ZBTB7C: variants seen among roughly 807,000 people sequenced by gnomAD.
The protein encoded by ZBTB7C is zinc finger and BTB domain-containing protein 7C.
ZBTB7C carries 8 observed loss-of-function variants against 25.7 expected under a neutral mutation model. The observed-to-expected ratio is 0.31, with a 90% CI of 0.18 to 0.56. The LOEUF is 0.56. Ranked by LOEUF, ZBTB7C falls within the 20% of genes least tolerant of loss-of-function variation. The pLI is 0.91. For missense variants in ZBTB7C, 824 were observed against 855.2 expected (o/e 0.96, Z 0.46); for synonymous variants, 394 against 369.0 (o/e 1.07, Z -0.78).
intron 2 of ZBTB7C, among the ~76,000 whole-genome samples, chr18:48,334,501 C>G (rs1211975046): frequency 6.6e-6 from 1 of 152,188 alleles, no homozygotes; most frequent in Non-Finnish European, 1.5e-5. Context: ...AACTAAGAGT[C>G]TCAATAACAT....
intron 2 of ZBTB7C, among the ~76,000 whole-genome samples, chr18:48,274,224 C>T (rs1486809038): frequency 1.3e-5 from 2 of 152,204 alleles, no homozygotes; most frequent in Admixed American, 1.3e-4. Context: ...CTCAATACCC[C>T]AGTAGGTCTT....
intron 2 of ZBTB7C, among the ~76,000 whole-genome samples, chr18:48,328,181 CA>C (rs55654378): frequency 0.018 from 1,074 of 58,864 alleles, 4 homozygotes; most frequent in East Asian, 0.065. Flanking sequence ...GACTCTGTCT[CA>C]AAAAAAAAAA....
chr18:48,346,787 T>A (rs1258662083), intron 1 of ZBTB7C: 1 of 146,580 alleles, frequency 6.8e-6, no homozygotes, highest in Non-Finnish European at 1.5e-5. Context: ...CACCCTTTTC[T>A]TTTTCCTTTT....
At chr18:48,190,430 C>T (rs2042164950) in intron 2 of ZBTB7C, among the ~76,000 whole-genome samples, 1 of 152,122 alleles carries the variant, frequency 6.6e-6, no homozygotes, top group East Asian at 1.9e-4. Flanking sequence ...TGCCTGCCAA[C>T]TCCGTGCAGG....
intron 3 of ZBTB7C, among the ~76,000 whole-genome samples, chr18:48,055,406 G>A (rs1262284435): frequency 1.1e-5 from 1 of 94,144 alleles, no homozygotes; most frequent in Admixed American, 1.4e-4. Context: ...TAAGACTCAA[G>A]TCTCAAAAAA....
chr18:48,066,880 T>C (rs1291434989), intron 3 of ZBTB7C, among the ~76,000 whole-genome samples: 1 of 152,162 alleles, frequency 6.6e-6, no homozygotes, highest in Non-Finnish European at 1.5e-5. Context: ...GGCGGGCGGA[T>C]TGCCTGAGTT....
chr18:48,290,499 G>A (rs149065287), intron 2 of ZBTB7C, among the ~76,000 whole-genome samples: 3 of 152,342 alleles, frequency 2.0e-5, no homozygotes, highest in Admixed American at 1.3e-4. Context: ...TCTTTGATTC[G>A]CTTGCTGCAG....
rs767795752 is a variant in ZBTB7C, at chr18:48,041,141, G to A, written c.-16-18C>T. ...CCAGAGCCCTGCAGAGACACACAGA[G>A]AAGAAGACTGGGTTAGTGAGCGTGG... On this transcript the variant is annotated intron_variant, in intron 3 of 4. Transcript: ENST00000590800. 6.4e-7 allele frequency: 1 copy of A among 1,561,766 alleles called. No individual in the cohort carries two copies. The highest frequency in any genetic ancestry group is 2.3e-5 in the East Asian group (1 of 44,266).
chr18:48,155,769 C>A (rs560296211), intron 3 of ZBTB7C, among the ~76,000 whole-genome samples: 1 of 152,244 alleles, frequency 6.6e-6, no homozygotes, highest in Admixed American at 6.5e-5. Flanking sequence ...TTCTATATTT[C>A]ACTCCTCTGG....
chr18:48,329,723 G>A lies in ZBTB7C; in HGVS notation c.-79+8451C>T, dbSNP rs143815879. 9.3e-4 allele frequency among the ~76,000 whole-genome samples: 141 copies of A among 152,188 alleles called. 1 individual carries two copies. In the East Asian group the frequency reaches 0.022, roughly 24 times the overall value. On this transcript the variant is annotated intron_variant, in intron 2 of 4. Coordinates refer to ENST00000590800, the MANE Select transcript of ZBTB7C (RefSeq NM_001318841.2). ...TACCGACACTGTCCATTAAACTCTC[G>A]CCTTAGGGTCAGTAAGACAGGCAAT... is the stretch of plus-strand genomic sequence containing the variant.
chr18:48,030,261 G>T (rs1474484791), intron 4 of ZBTB7C, among the ~76,000 whole-genome samples: 1 of 152,152 alleles, frequency 6.6e-6, no homozygotes, highest in African/African-American at 2.4e-5. Flanking sequence ...CTTAGTCCTC[G>T]GATAGTGCAG....
chr18:48,388,546 T>C (rs756298481), intron 1 of ZBTB7C, among the ~76,000 whole-genome samples: 1 of 152,308 alleles, frequency 6.6e-6, no homozygotes, highest in African/African-American at 2.4e-5. Context: ...AATGGGAAAT[T>C]CATGAGAGAA....
chr18:48,164,892 T>C (rs2144979023), intron 3 of ZBTB7C, among the ~76,000 whole-genome samples: 1 of 152,296 alleles, frequency 6.6e-6, no homozygotes, highest in South Asian at 2.1e-4. Flanking sequence ...TCCCACCAAG[T>C]TGGGATTGTT....
At chr18:48,351,164 C>T (rs533169853) in intron 1 of ZBTB7C, among the ~76,000 whole-genome samples, 23 of 152,120 alleles carry the variant, frequency 1.5e-4, no homozygotes, top group Non-Finnish European at 2.6e-4. Flanking sequence ...CACCCCAAGC[C>T]ATGTGTGAGT....
rs184694264 is a variant in ZBTB7C at position 48,371,217 on chromosome 18, C to T, written c.-303-32819G>A. Among the ~76,000 whole-genome samples the T allele has an allele frequency of 2.8e-3, 426 of 152,296 alleles. 3 individuals are homozygous for T. The highest frequency in any genetic ancestry group is 9.6e-3 in the African/African-American group (401 of 41,560). ...CAGCCCCAGGAACAACTGACAAGCT[C>T]TATCAAGCTGCAGGCCACCTTCTAG... On this transcript the variant is annotated intron_variant, in intron 1 of 4. Coordinates refer to ENST00000590800, the MANE Select transcript of ZBTB7C (RefSeq NM_001318841.2).
chr18:48,337,509 TGGC>T (rs1216803383), intron 2 of ZBTB7C, among the ~76,000 whole-genome samples: 2 of 152,258 alleles, frequency 1.3e-5, no homozygotes, highest in Non-Finnish European at 1.5e-5. Flanking sequence ...CTTCCAGGCT[TGGC>T]TGACTTCCCT....
At chr18:48,292,620 G>A (rs1204926702) in intron 2 of ZBTB7C, among the ~76,000 whole-genome samples, 5 of 152,216 alleles carry the variant, frequency 3.3e-5, no homozygotes, top group Non-Finnish European at 5.9e-5. Flanking sequence ...AACCTGGGCA[G>A]GGACCTGGGG....
rs1598759548 is a variant in ZBTB7C at position 48,040,710 on chromosome 18, C to T, written c.398G>A (p.Gly133Glu). ...CLEIMEPGGD[G>E]GEEDDKEDDD... The stretch of plus-strand genomic sequence containing the variant: ...GTCCTCCTTGTCATCCTCCTCCCCC[C>T]CGTCCCCCCCAGGCTCCATGATCTC... The change falls in exon 4 of 5, where the codon GGG becomes GAG. Residue 133 changes from glycine (G) to glutamate (E), a missense_variant. Gly to Glu is a moderately conservative substitution (Grantham distance 98). Transcript: ENST00000590800. 6 of 1,613,956 alleles carry T rather than the reference C, an allele frequency of 3.7e-6. No homozygotes were observed. Among genetic ancestry groups the T allele is most frequent in the South Asian group, 1.1e-5 (1 of 91,068 alleles).
At position 48,028,985 on chromosome 18, in the gene ZBTB7C, A is replaced by T; in HGVS notation, c.*275T>A. 1 of 443,906 alleles carries T rather than the reference A, an allele frequency of 2.3e-6. No individual in the cohort carries two copies. The highest frequency in any genetic ancestry group is 3.9e-6 in the Non-Finnish European group (1 of 256,484). 27.5% of individuals were successfully genotyped at this position (443,906 alleles called of 1,614,324 possible). A position where few individuals can be genotyped will look rare whatever the true frequency, so the allele number is the denominator to read the frequency against. Reference sequence around the variant, plus strand: ...CCCTGGGCACCCAGTTCTTTGTGGCATGGGCCGGTGCAAGTTTCTATATGA... The same window carrying T: ...CCCTGGGCACCCAGTTCTTTGTGGCTTGGGCCGGTGCAAGTTTCTATATGA... On this transcript the variant is annotated 3_prime_UTR_variant, in exon 5 of 5. Transcript: ENST00000590800.
Sources: allele counts gnomAD v4.1 joint callset (sites outside exome capture counted in the v4.1 genomes callset), GRCh38; gene constraint gnomAD v4.1.1; transcripts MANE v1.5; gene names NCBI Gene and HGNC (gene_info 2026-07-23, HGNC 2026-07-21).